Variants in RANBP2 observed in about 807,000 individuals in gnomAD.
RANBP2 encodes the protein E3 SUMO-protein ligase RanBP2.
RANBP2 carries 57 observed loss-of-function variants against 303.6 expected under a neutral mutation model. That is an observed-to-expected ratio of 0.19 (90% confidence interval 0.15 to 0.23). The LOEUF is 0.23. RANBP2 is among the 10% of genes least tolerant of loss of function. RANBP2 has a pLI of 1.00. For missense variants in RANBP2, 3,138 were observed against 3,780.8 expected (o/e 0.83, Z 4.46); for synonymous variants, 1,167 against 1,301.5 (o/e 0.90, Z 2.23).
At chr2:108,793,095 T>C in the RANBP2 span, among the ~76,000 whole-genome samples, 5 of 125,454 alleles carry the variant, frequency 4.0e-5, no homozygotes, top group Middle Eastern at 6.2e-3. Context: ...CGGTGGCTCG[T>C]GCCTGTAATC....
At chr2:109,733,827 G>A in the RANBP2 span, among the ~76,000 whole-genome samples, 3 of 150,494 alleles carry the variant, frequency 2.0e-5, no homozygotes, top group South Asian at 2.1e-4. Flanking sequence ...AGCCAAGATT[G>A]CACCACTGTA....
chr2:109,375,100 C>G, the RANBP2 span, among the ~76,000 whole-genome samples: 1 of 152,186 alleles, frequency 6.6e-6, no homozygotes, highest in African/African-American at 2.4e-5. Flanking sequence ...TAGAAATAAT[C>G]GTCTCTCCAC....
the RANBP2 span, among the ~76,000 whole-genome samples, chr2:109,244,643 G>A: frequency 1.4e-3 from 214 of 152,322 alleles, 1 homozygote; most frequent in African/African-American, 4.8e-3. Flanking sequence ...AGAAGATATC[G>A]GAGTTTCTGT....
chr2:109,662,844 G>T, the RANBP2 span, among the ~76,000 whole-genome samples: 1,318 of 152,134 alleles, frequency 8.7e-3, 14 homozygotes, highest in Middle Eastern at 0.027. Flanking sequence ...TATTCCCACC[G>T]CCTTCTCCCT....
chr2:108,933,805 C>T, the RANBP2 span, among the ~76,000 whole-genome samples: 2 of 151,842 alleles, frequency 1.3e-5, no homozygotes, highest in African/African-American at 2.4e-5. Context: ...ACCTGCAGCC[C>T]GTCAGGTGGG....
the RANBP2 span, among the ~76,000 whole-genome samples, chr2:109,467,359 G>A: frequency 6.6e-6 from 1 of 152,258 alleles, no homozygotes; most frequent in African/African-American, 2.4e-5. Flanking sequence ...CGCAAAATCG[G>A]CCAAGAGCCA....
At chr2:109,228,429 A>C in the RANBP2 span, among the ~76,000 whole-genome samples, 1 of 152,194 alleles carries the variant, frequency 6.6e-6, no homozygotes, top group Non-Finnish European at 1.5e-5. Flanking sequence ...ATGCACCCAG[A>C]ACACTTCTGA....
downstream of RANBP2, among the ~76,000 whole-genome samples, chr2:108,790,177 C>G (rs763284135): frequency 6.6e-6 from 1 of 152,044 alleles, no homozygotes; most frequent in East Asian, 1.9e-4. Context: ...TCATGTTGCA[C>G]TCACAAAATC....
At chr2:109,337,520 G>A in the RANBP2 span, among the ~76,000 whole-genome samples, 2 of 152,172 alleles carry the variant, frequency 1.3e-5, no homozygotes, top group Admixed American at 1.3e-4. Context: ...AGGCACCCCC[G>A]GTCACAGGAT....
chr2:109,568,189 T>G, the RANBP2 span, among the ~76,000 whole-genome samples: 1 of 152,038 alleles, frequency 6.6e-6, no homozygotes, highest in African/African-American at 2.4e-5. Context: ...CTGTCTACAG[T>G]TGCGTTCACA....
At chr2:108,742,437 G>A (rs1696187237) in intron 7 of RANBP2, among the ~76,000 whole-genome samples, 1 of 152,066 alleles carries the variant, frequency 6.6e-6, no homozygotes, top group Admixed American at 6.6e-5. Context: ...TCACGTATCT[G>A]GGATTACAGG....
chr2:108,831,735 T>TCCTTCCTTCCTC, the RANBP2 span, among the ~76,000 whole-genome samples: 2 of 151,748 alleles, frequency 1.3e-5, no homozygotes, highest in Non-Finnish European at 2.9e-5. Context: ...CTTCCTTCCT[T>TCCTTCCTTCCTC]CCGTCCTTCC....
the RANBP2 span, among the ~76,000 whole-genome samples, chr2:108,829,280 C>CA: frequency 3.2e-3 from 484 of 152,074 alleles, 2 homozygotes; most frequent in African/African-American, 0.011. Context: ...TTCAACTCAG[C>CA]AAAAAACAAA....
chr2:108,904,479 T>G, the RANBP2 span, among the ~76,000 whole-genome samples: 1 of 152,346 alleles, frequency 6.6e-6, no homozygotes, highest in South Asian at 2.1e-4. Context: ...CCCAGATAAA[T>G]CACGACTGAT....
At chr2:108,774,770 A>G (rs28877361) in intron 23 of RANBP2, among the ~76,000 whole-genome samples, 3,607 of 147,402 alleles carry the variant, frequency 0.024, 138 homozygotes, top group African/African-American at 0.086. Context: ...CAGTGGCATG[A>G]TCTCAGCTCA....
chr2:109,567,470 A>T, the RANBP2 span, among the ~76,000 whole-genome samples: 1 of 152,188 alleles, frequency 6.6e-6, no homozygotes, highest in East Asian at 1.9e-4. Context: ...ATGCAAAGGG[A>T]GGCTGTAAAG....
At chr2:109,071,789 C>G in the RANBP2 span, among the ~76,000 whole-genome samples, 1 of 152,030 alleles carries the variant, frequency 6.6e-6, no homozygotes, top group African/African-American at 2.4e-5. Flanking sequence ...GCATGTAGAT[C>G]ATATTCAGAG....
At chr2:108,990,505 A>T in the RANBP2 span, among the ~76,000 whole-genome samples, 2 of 151,830 alleles carry the variant, frequency 1.3e-5, no homozygotes, top group Admixed American at 1.3e-4. Context: ...CTAAAGCAGG[A>T]GAATTGTTCG....
chr2:109,403,199 G>C, the RANBP2 span, among the ~76,000 whole-genome samples: 2 of 152,224 alleles, frequency 1.3e-5, no homozygotes, highest in Non-Finnish European at 1.5e-5. Context: ...CATGAAGCCT[G>C]GGAGCACAGC....
Sources: allele counts gnomAD v4.1 joint callset (sites outside exome capture counted in the v4.1 genomes callset), GRCh38; gene constraint gnomAD v4.1.1; transcripts MANE v1.5; gene names NCBI Gene and HGNC (gene_info 2026-07-23, HGNC 2026-07-21).